DOCK2: variants seen among roughly 807,000 people sequenced by gnomAD.
DOCK2 encodes dedicator of cytokinesis protein 2.
In DOCK2, 87 loss-of-function variants were observed where a neutral mutation model predicts 248.9. The observed-to-expected ratio is 0.35, with a 90% confidence interval of 0.29 to 0.42. The LOEUF is 0.42. Among genes scored for constraint, DOCK2 ranks in the 10% least tolerant of loss-of-function variants. DOCK2 has a pLI of 1.00. For synonymous variants in DOCK2, 805 were observed against 821.6 expected, an observed-to-expected ratio of 0.98 and a Z score of 0.35; for missense variants, 1,747 against 2,300.2, an observed-to-expected ratio of 0.76 and a Z score of 4.92.
intron 46 of DOCK2, 136 bp from the exon 47 acceptor site, chr5:170,075,811 G>T: frequency 8.8e-7 from 1 of 1,134,546 alleles, no homozygotes; most frequent in South Asian, 1.5e-5. Context: ...GACCGTGTGT[G>T]CAGGTTTCTG....
chr5:170,022,533 A>G (rs565551392), intron 33 of DOCK2, among the ~76,000 whole-genome samples: 1 of 152,170 alleles, frequency 6.6e-6, no homozygotes, highest in South Asian at 2.1e-4. Flanking sequence ...TCCATTGTCT[A>G]GGACTGGATG....
At chr5:169,847,022 G>T (rs903140844) in intron 27 of DOCK2, among the ~76,000 whole-genome samples, 4 of 152,150 alleles carry the variant, frequency 2.6e-5, no homozygotes, top group African/African-American at 9.7e-5. Context: ...TGTGGCAAAA[G>T]ACATTATTTC....
intron 27 of DOCK2, among the ~76,000 whole-genome samples, chr5:169,950,232 C>T (rs1001175633): frequency 1.3e-5 from 2 of 152,200 alleles, no homozygotes; most frequent in Non-Finnish European, 2.9e-5. Context: ...AGCTCTAGCT[C>T]CATGCCCCTA....
chr5:169,896,134 TG>T (rs1262960793), intron 27 of DOCK2, among the ~76,000 whole-genome samples: 1 of 150,666 alleles, frequency 6.6e-6, no homozygotes, highest in African/African-American at 2.5e-5. Context: ...TCCCAGAGCG[TG>T]CAGGCAGATG....
At chr5:170,000,193 C>T (rs180724186) in intron 30 of DOCK2, 34 of 152,344 alleles carry the variant, frequency 2.2e-4, no homozygotes, top group African/African-American at 7.7e-4. Flanking sequence ...AAGCAAAGAA[C>T]ACTGCCCTAC....
chr5:169,670,654 C>T, intron 4 of DOCK2, 57 bp downstream of exon 4: 1 of 1,583,206 alleles, frequency 6.3e-7, no homozygotes, highest in Non-Finnish European at 8.6e-7. Flanking sequence ...TGTCTCTGTC[C>T]TGTTTATTTT....
intron 27 of DOCK2, among the ~76,000 whole-genome samples, chr5:169,913,572 A>C (rs763934501): frequency 6.6e-6 from 1 of 152,226 alleles, no homozygotes; most frequent in Admixed American, 6.5e-5. Context: ...AAACAAAAAT[A>C]AAAATAAACA....
intron 46 of DOCK2, 50 bp downstream of exon 46, chr5:170,069,270 C>A (rs200739689): frequency 1.4e-5 from 23 of 1,589,374 alleles, no homozygotes; most frequent in Non-Finnish European, 1.8e-5. Flanking sequence ...CCTCTCCCCC[C>A]ACCGTGGTTC....
At chr5:169,958,351 G>A (rs1310531016) in intron 27 of DOCK2, among the ~76,000 whole-genome samples, 1 of 152,198 alleles carries the variant, frequency 6.6e-6, no homozygotes, top group Non-Finnish European at 1.5e-5. Flanking sequence ...TCTGGGGACA[G>A]TGAAAAGCCC....
intron 26 of DOCK2, among the ~76,000 whole-genome samples, chr5:169,833,760 C>CT (rs1769383361): frequency 6.6e-6 from 1 of 152,226 alleles, no homozygotes; most frequent in Admixed American, 6.5e-5. Flanking sequence ...CAGCACTTTC[C>CT]TCCCGTTCAT....
At chr5:169,709,553 A>G (rs1468320029) in intron 15 of DOCK2, among the ~76,000 whole-genome samples, 1 of 151,978 alleles carries the variant, frequency 6.6e-6, no homozygotes, top group Non-Finnish European at 1.5e-5. Context: ...ATAAATACAT[A>G]CATACATACA....
chr5:169,718,781 T>C lies in DOCK2; in HGVS notation c.2257T>C (p.Leu753=). 1 of 1,613,492 alleles carries C rather than the reference T, an allele frequency of 6.2e-7. No homozygotes were observed. Among genetic ancestry groups the C allele is most frequent in the Non-Finnish European group, 8.5e-7 (1 of 1,179,544 alleles). Residue 753 remains leucine (L), a synonymous_variant, in exon 22 of 52, where the codon TTA becomes CTA. Coordinates refer to ENST00000520908, the MANE Select transcript of DOCK2 (RefSeq NM_004946.3). ...CAAGTTCATTGTTCGGTCGAGGACA[T>C]TATTTTCACAGTGAGTACTTGTTAT... ...VFKFIVRSRT[L]FSQLYEGKEQ...
intron 38 of DOCK2, among the ~76,000 whole-genome samples, chr5:170,044,476 G>GCT (rs1756628222): frequency 6.6e-6 from 1 of 152,136 alleles, no homozygotes; most frequent in South Asian, 2.1e-4. Context: ...GTCTCTTAGT[G>GCT]ATCTCTTAAC....
At chr5:170,063,666 C>T (rs1285962602) in intron 44 of DOCK2, among the ~76,000 whole-genome samples, 2 of 152,168 alleles carry the variant, frequency 1.3e-5, no homozygotes, top group African/African-American at 4.8e-5. Flanking sequence ...GGAGTTTGGC[C>T]ACATACCAAG....
At chr5:170,018,119 T>C (rs757013406) in intron 32 of DOCK2, among the ~76,000 whole-genome samples, 5 of 152,148 alleles carry the variant, frequency 3.3e-5, no homozygotes, top group Admixed American at 2.6e-4. Flanking sequence ...CATTTCAAAA[T>C]TGGCAAAACA....
intron 2 of DOCK2, among the ~76,000 whole-genome samples, chr5:169,660,000 G>C (rs2113218930): frequency 6.6e-6 from 1 of 152,316 alleles, no homozygotes; most frequent in South Asian, 2.1e-4. Context: ...TGGGGAAGGA[G>C]GGAGTTTGGG....
In DOCK2 at chr5:169,719,002, G is replaced by C. The variant is rs562036447; in HGVS notation, c.2267+211G>C. ...AAAAAAGAAATCTTAACAGGTTGCA[G>C]AGTTATGTTTAACCAGTAAATGTGA... On this transcript the variant is annotated intron_variant, in intron 22 of 51. Transcript: ENST00000520908. 2.0e-5 allele frequency among the ~76,000 whole-genome samples: 3 copies of C among 152,320 alleles called. No individual in the cohort carries two copies. In the East Asian group the frequency reaches 5.8e-4, roughly 29 times the overall value.
chr5:169,713,603 C>T (rs557883185), intron 17 of DOCK2, among the ~76,000 whole-genome samples: 7 of 152,192 alleles, frequency 4.6e-5, no homozygotes, highest in African/African-American at 1.7e-4. Flanking sequence ...ATAGCATAGA[C>T]CTGTGAATGG....
At chr5:169,981,073 C>G (rs990594106) in intron 27 of DOCK2, among the ~76,000 whole-genome samples, 10 of 152,138 alleles carry the variant, frequency 6.6e-5, no homozygotes, top group African/African-American at 2.4e-4. Flanking sequence ...ATGGCTGTTT[C>G]AAAATTCTGA....
Sources: allele counts gnomAD v4.1 joint callset (sites outside exome capture counted in the v4.1 genomes callset), GRCh38; gene constraint gnomAD v4.1.1; transcripts MANE v1.5; gene names NCBI Gene and HGNC (gene_info 2026-07-23, HGNC 2026-07-21).